FBXO43: variants seen among roughly 807,000 people sequenced by gnomAD.
The protein encoded by FBXO43 is F-box only protein 43.
A neutral mutation model predicts 56.7 loss-of-function variants in FBXO43; 22 were observed. That is an observed-to-expected ratio of 0.39 (90% CI 0.28 to 0.55). The LOEUF is 0.55. Ranked by LOEUF, FBXO43 falls within the 20% of genes least tolerant of loss-of-function variation. FBXO43 has a pLI of 0.66. For synonymous variants in FBXO43, 306 were observed against 294.5 expected (o/e 1.04, Z -0.40); for missense variants, 733 against 814.9 (o/e 0.90, Z 1.22).
chr8:100,149,826 T>C (rs1258915693), upstream of FBXO43, among the ~76,000 whole-genome samples: 3 of 152,232 alleles, frequency 2.0e-5, no homozygotes, highest in Admixed American at 6.5e-5. Context: ...TAAGTTATTT[T>C]TAAATTTTTT....
chr8:100,149,227 C>G (rs553483358), upstream of FBXO43, among the ~76,000 whole-genome samples: 20 of 152,290 alleles, frequency 1.3e-4, no homozygotes, highest in Middle Eastern at 3.4e-3. Context: ...CATTACTTTG[C>G]CCTTTTGTAG....
chr8:100,147,392 C>G (rs1023026839), upstream of FBXO43, among the ~76,000 whole-genome samples: 16 of 152,190 alleles, frequency 1.1e-4, no homozygotes, highest in African/African-American at 3.9e-4. Flanking sequence ...AAATTCCAAA[C>G]TTAAAATGTA....
intron 2 of FBXO43, among the ~76,000 whole-genome samples, chr8:100,138,492 A>G (rs920304329): frequency 1.3e-5 from 2 of 152,198 alleles, no homozygotes; most frequent in Non-Finnish European, 2.9e-5. Context: ...AAGTCACCCA[A>G]TGATGGGGAA....
At chr8:100,149,831 T>A (rs1474204810), upstream of FBXO43, among the ~76,000 whole-genome samples, 2 of 152,196 alleles carry the variant, frequency 1.3e-5, no homozygotes, top group Non-Finnish European at 2.9e-5. Context: ...TATTTTTAAA[T>A]TTTTTAAAAT....
intron 1 of FBXO43, among the ~76,000 whole-genome samples, chr8:100,143,328 AATTT>A (rs1340724953): frequency 6.6e-6 from 1 of 152,232 alleles, no homozygotes; most frequent in Non-Finnish European, 1.5e-5. Flanking sequence ...ATGCGACAGT[AATTT>A]ATTTATGCTT....
Position 100,140,859 on chromosome 8 carries a change from T to A in FBXO43, c.1395A>T (p.Glu465Asp). The A allele has an allele frequency of 1.2e-6, 2 of 1,614,240 alleles. No individual in the cohort carries two copies. Among genetic ancestry groups the A allele is most frequent in the Non-Finnish European group, 1.7e-6 (2 of 1,180,040 alleles). The change falls in exon 2 of 5, where the codon GAA becomes GAT. Residue 465 changes from glutamate (E) to aspartate (D), a missense_variant. Glu to Asp is a conservative substitution (Grantham distance 45). Transcript: ENST00000428847. ...RKRLQENSGH[E>D]FLEQGDGEKI... ...TCTCCCCATCCCCTTGCTCTAAGAA[T>A]TCATGTCCACTATTTTCCTGTAATC...
At chr8:100,140,615 C>G in intron 2 of FBXO43, 68 bp downstream of exon 2, 1 of 1,251,310 alleles carries the variant, frequency 8.0e-7, no homozygotes, top group Non-Finnish European at 1.1e-6. Context: ...GACAACCACT[C>G]AAGTCACAGA....
chr8:100,133,781 G>A lies in FBXO43; in HGVS notation c.*21C>T. ...TCAGATAAATAGAACACTGCATGGG[G>A]GAGTTCTATATTTAGTCTCTTCAGA... On this transcript the variant is annotated 3_prime_UTR_variant, in exon 5 of 5. Transcript: ENST00000428847. 1 of 1,603,050 alleles carries A rather than the reference G, an allele frequency of 6.2e-7. No individual in the cohort carries two copies. Among genetic ancestry groups the A allele is most frequent in the Non-Finnish European group, 8.5e-7 (1 of 1,175,088 alleles).
Position 100,139,405 on chromosome 8 carries a change from C to G in FBXO43, c.1571+1278G>C, listed in dbSNP as rs528479411. Among the ~76,000 whole-genome samples, 343 of 152,192 alleles carry G rather than the reference C, an allele frequency of 2.3e-3. 2 individuals carry two copies. The highest frequency in any genetic ancestry group is 7.8e-3 in the African/African-American group (325 of 41,510). The stretch of plus-strand genomic sequence containing the variant: ...CCCAGGAGTTGCAGACCAGCCTGAG[C>G]AACACAGTGAGACCCCATCTCTACA... On this transcript the variant is annotated intron_variant, in intron 2 of 4. Coordinates refer to ENST00000428847, the MANE Select transcript of FBXO43 (RefSeq NM_001029860.4).
Position 100,141,774 on chromosome 8 carries a change from T to C in FBXO43, c.480A>G (p.Val160=), listed in dbSNP as rs1814662170. The change falls in exon 2 of 5, where the codon GTA becomes GTG. Residue 160 remains valine (V), a synonymous_variant. Transcript: ENST00000428847. Reference sequence around the variant, plus strand: ...AGTCCCCTTTTAGAAGAGCGAAAGATACATTCAACCTTCTGCGAGGTAAAC... The same window carrying C: ...AGTCCCCTTTTAGAAGAGCGAAAGACACATTCAACCTTCTGCGAGGTAAAC... The part of the protein sequence containing the change: ...KKCLPRRRLN[V]SFALLKGDFE... The C allele has an allele frequency of 1.9e-6, 3 of 1,591,864 alleles. No homozygotes were observed. The highest frequency in any genetic ancestry group is 2.6e-6 in the Non-Finnish European group (3 of 1,169,382).
chr8:100,134,271 C>A lies in FBXO43; in HGVS notation c.1768G>T (p.Gly590Cys). 6.2e-7 allele frequency: 1 copy of A among 1,614,102 alleles called. No individual in the cohort carries two copies. Among genetic ancestry groups the A allele is most frequent in the Non-Finnish European group, 8.5e-7 (1 of 1,180,012 alleles). Residue 590 changes from glycine (G) to cysteine (C), a missense_variant, in exon 4 of 5, where the codon GGT (glycine) becomes TGT (cysteine). By Grantham distance (159) the Gly-to-Cys change is radical (BLOSUM62 -3). Coordinates refer to ENST00000428847, the MANE Select transcript of FBXO43 (RefSeq NM_001029860.4). Reference protein sequence around the residue: ...RSVQAQARIPGSQREQGSTLS... With the variant: ...RSVQAQARIPCSQREQGSTLS... Reference sequence around the variant, plus strand: ...GTTGACCCTTGCTCTCTCTGAGAACCAGGTATCCTAGCCTGTGCCTGCACA... The same window carrying A: ...GTTGACCCTTGCTCTCTCTGAGAACAAGGTATCCTAGCCTGTGCCTGCACA...
At chr8:100,135,010 T>C (rs922319967) in intron 3 of FBXO43, among the ~76,000 whole-genome samples, 2 of 152,014 alleles carry the variant, frequency 1.3e-5, no homozygotes, top group Non-Finnish European at 2.9e-5. Context: ...GGGATCTGTA[T>C]AGAGAAACAC....
rs542311256 is a variant in FBXO43, at chr8:100,141,992, T to G, written c.262A>C (p.Asn88His). The G allele has an allele frequency of 6.2e-7, 1 of 1,611,730 alleles. No individual in the cohort carries two copies. The highest frequency in any genetic ancestry group is 1.1e-5 in the South Asian group (1 of 90,392). ...YNELKSCSFD[N>H]IDKEYLGKKE... ...TTTCCAAGATATTCTTTATCTATATTATCAAAGCTACAAGATTTTAACTCA... is the reference window on the plus strand; with the variant it reads ...TTTCCAAGATATTCTTTATCTATATGATCAAAGCTACAAGATTTTAACTCA... The change falls in exon 2 of 5, where the codon AAT becomes CAT. Residue 88 changes from asparagine to histidine, a missense_variant. Transcript: ENST00000428847.
chr8:100,143,066 T>A (rs772351678), intron 1 of FBXO43, among the ~76,000 whole-genome samples: 2 of 152,238 alleles, frequency 1.3e-5, no homozygotes, highest in African/African-American at 4.8e-5. Flanking sequence ...AGAAATATTT[T>A]ACTCCTTAAA....
At chr8:100,149,550 G>C (rs1277249895), upstream of FBXO43, among the ~76,000 whole-genome samples, 1 of 152,196 alleles carries the variant, frequency 6.6e-6, no homozygotes, top group African/African-American at 2.4e-5. Context: ...TGTGAAGAAA[G>C]AAGCCAGGAA....
intron 3 of FBXO43, chr8:100,137,282 A>G (rs557778056): frequency 2.7e-4 from 61 of 227,272 alleles, no homozygotes; most frequent in Middle Eastern, 3.1e-3. Flanking sequence ...GGATGGTCTC[A>G]ATCTCCTGAC....
chr8:100,140,146 G>A (rs967191025), intron 2 of FBXO43, among the ~76,000 whole-genome samples: 2 of 152,182 alleles, frequency 1.3e-5, no homozygotes, highest in Non-Finnish European at 2.9e-5. Context: ...AGAAAAAAAA[G>A]ACTATATTAT....
At position 100,134,055 on chromosome 8, in the gene FBXO43, A is replaced by T. The variant is rs746698379; in HGVS notation, c.1879-5T>A. On this transcript the variant is annotated splice_polypyrimidine_tract_variant and splice_region_variant and intron_variant, in intron 4 of 4. Transcript: ENST00000428847. ...AGTAAAAAGTGTTTTGGCAACCTGCAGTGAAAGCACACACACTAAATCTTC... is the reference window on the plus strand; with the variant it reads ...AGTAAAAAGTGTTTTGGCAACCTGCTGTGAAAGCACACACACTAAATCTTC... 6.2e-7 allele frequency: 1 copy of T among 1,613,222 alleles called. No homozygotes were observed. The highest frequency in any genetic ancestry group is 1.1e-5 in the South Asian group (1 of 91,026).
chr8:100,143,811 G>A (rs1429415612), intron 1 of FBXO43, among the ~76,000 whole-genome samples: 1 of 151,196 alleles, frequency 6.6e-6, no homozygotes, highest in African/African-American at 2.4e-5. Flanking sequence ...TCGCTTTTTC[G>A]CCCAGGCTGG....
Sources: gnomAD v4.1 joint callset for allele counts (sites outside exome capture counted in the v4.1 genomes callset) on GRCh38, gnomAD v4.1.1 for gene constraint, MANE v1.5 for transcripts, NCBI Gene and HGNC (gene_info 2026-07-23, HGNC 2026-07-21) for gene names.